The following GTPBP10 variants were observed in gnomAD, a reference collection of about 807,000 sequenced individuals.
The protein encoded by GTPBP10 is GTP-binding protein 10.
In GTPBP10, 38 loss-of-function variants were observed where a neutral mutation model predicts 44.8. The observed-to-expected ratio is 0.85, with a 90% confidence interval of 0.65 to 1.11. The LOEUF is 1.11. GTPBP10 is among the 50% of genes most tolerant of loss of function. GTPBP10 has a pLI of 0.00. For synonymous variants in GTPBP10, 152 were observed against 150.6 expected (o/e 1.01, Z -0.07); for missense variants, 462 against 453.7 (o/e 1.02, Z -0.17).
At position 90,358,679 on chromosome 7, in the gene GTPBP10, A is replaced by T. The variant is rs144319642; in HGVS notation, c.464+3449A>T. Among the ~76,000 whole-genome samples the T allele has an allele frequency of 8.3e-3, 1,263 of 152,226 alleles. 15 individuals carry two copies. The highest frequency in any genetic ancestry group is 0.029 in the African/African-American group (1,187 of 41,532). On this transcript the variant is annotated intron_variant, in intron 4 of 9. Coordinates refer to ENST00000222511, the MANE Select transcript of GTPBP10 (RefSeq NM_033107.4). The stretch of plus-strand genomic sequence containing the variant: ...AAAAATTCTACAACACTTAGGAAAA[A>T]CCCTTCTGGACATTGGCCTAGACAA...
intron 6 of GTPBP10, 102 bp downstream of exon 6, chr7:90,374,456 G>A: frequency 1.4e-6 from 1 of 712,554 alleles, no homozygotes; most frequent in South Asian, 1.6e-5. Context: ...TGGTGTTAGG[G>A]GAGAAAAAGT....
At chr7:90,361,905 A>C (rs1311401062) in intron 4 of GTPBP10, among the ~76,000 whole-genome samples, 1 of 152,138 alleles carries the variant, frequency 6.6e-6, no homozygotes, top group Non-Finnish European at 1.5e-5. Flanking sequence ...TAGATTTTCT[A>C]GTTTATTTGC....
At position 90,385,261 on chromosome 7, in the gene GTPBP10, T is replaced by C; in HGVS notation, c.*107T>C. 1.3e-6 allele frequency: 1 copy of C among 747,892 alleles called. No homozygotes were observed. Among genetic ancestry groups the C allele is most frequent in the East Asian group, 2.8e-5 (1 of 36,148 alleles). 46.3% of individuals were successfully genotyped at this position (747,892 alleles called of 1,614,324 possible). On this transcript the variant is annotated 3_prime_UTR_variant, in exon 10 of 10. Transcript: ENST00000222511. ...CATGTTAAGTAAAATAAGCCAGGCT[T>C]AGAAAGACAAATGCTGCATAATCTC...
chr7:90,355,025 A>G lies in GTPBP10; in HGVS notation c.320-61A>G, dbSNP rs1795867386. 6.8e-6 allele frequency: 7 copies of G among 1,030,806 alleles called. No homozygotes were observed. The East Asian group carries it at 1.9e-4, about 28-fold the overall frequency. 63.9% of individuals were successfully genotyped at this position (1,030,806 alleles called of 1,614,324 possible). Reference sequence around the variant, plus strand: ...TTGCCTGTATTTCTGAAAGAAATATATTGCATTAGTGATTTCACTTATTAA... The same window carrying G: ...TTGCCTGTATTTCTGAAAGAAATATGTTGCATTAGTGATTTCACTTATTAA... On this transcript the variant is annotated intron_variant, in intron 3 of 9. Coordinates refer to ENST00000222511, the MANE Select transcript of GTPBP10 (RefSeq NM_033107.4).
intron 7 of GTPBP10, 28 bp from the exon 8 acceptor site, chr7:90,378,106 G>T (rs375418934): frequency 1.3e-6 from 2 of 1,589,934 alleles, no homozygotes; most frequent in Non-Finnish European, 1.7e-6. Flanking sequence ...TATGTTAAAG[G>T]CTGTCTCTTT....
At chr7:90,351,157 A>G (rs1405832840) in intron 1 of GTPBP10, among the ~76,000 whole-genome samples, 1 of 152,248 alleles carries the variant, frequency 6.6e-6, no homozygotes, top group East Asian at 1.9e-4. Flanking sequence ...ACGATGTACT[A>G]CAGTTAATTT....
intron 4 of GTPBP10, among the ~76,000 whole-genome samples, chr7:90,360,200 A>G (rs1009035096): frequency 2.0e-5 from 3 of 152,158 alleles, no homozygotes; most frequent in Non-Finnish European, 1.5e-5. Context: ...TGTTTTAGAC[A>G]TGAAGTCCTT....
intron 4 of GTPBP10, among the ~76,000 whole-genome samples, chr7:90,371,728 T>C (rs1796261529): frequency 6.6e-6 from 1 of 152,220 alleles, no homozygotes; most frequent in South Asian, 2.1e-4. Flanking sequence ...AGGTGATAGC[T>C]AAATGGAATT....
chr7:90,376,488 A>G (rs1372418316), intron 6 of GTPBP10, among the ~76,000 whole-genome samples: 2 of 152,174 alleles, frequency 1.3e-5, no homozygotes, highest in Admixed American at 1.3e-4. Context: ...GGTGACAAGG[A>G]AGCATGCTCA....
intron 1 of GTPBP10, among the ~76,000 whole-genome samples, chr7:90,351,493 T>C (rs1388876266): frequency 2.0e-5 from 3 of 152,220 alleles, no homozygotes; most frequent in Non-Finnish European, 4.4e-5. Context: ...ATATATTTTT[T>C]GCACTCATAA....
Position 90,346,743 on chromosome 7 carries a change from TG to T in GTPBP10, c.4del (p.Val2?). 6.2e-7 allele frequency: 1 copy of T among 1,614,226 alleles called. No homozygotes were observed. The highest frequency in any genetic ancestry group is 8.5e-7 in the Non-Finnish European group (1 of 1,180,030). On this transcript the variant is annotated frameshift_variant and start_lost, in exon 1 of 10. Coordinates refer to ENST00000222511, the MANE Select transcript of GTPBP10 (RefSeq NM_033107.4). LOFTEE classifies it high-confidence loss of function. ...AAGGTTTCCTGGCCTGTTGCAGCCA[TG>T]GTGCATTGCAGTTGCGTGTTGTTCA... Reference protein sequence around the residue: MVHCSCVLFRK... With the variant: XVHCSCVLFRK...
chr7:90,349,490 T>C (rs1795746694), intron 1 of GTPBP10, among the ~76,000 whole-genome samples: 1 of 152,202 alleles, frequency 6.6e-6, no homozygotes, highest in South Asian at 2.1e-4. Context: ...AGGTACTTCC[T>C]GACTTCAGGG....
At chr7:90,378,387 T>A (rs544775906) in intron 8 of GTPBP10, 176 bp downstream of exon 8, 4 of 450,514 alleles carry the variant, frequency 8.9e-6, no homozygotes, top group Admixed American at 6.4e-5. Flanking sequence ...CTCCTCAAAC[T>A]ACTGCAGTGG....
intron 1 of GTPBP10, among the ~76,000 whole-genome samples, chr7:90,351,485 A>G (rs1795790163): frequency 6.6e-6 from 1 of 152,234 alleles, no homozygotes; most frequent in African/African-American, 2.4e-5. Context: ...TAGCATCTAT[A>G]TATTTTTTGC....
At chr7:90,348,486 AAGTC>A (rs1354590511) in intron 1 of GTPBP10, among the ~76,000 whole-genome samples, 6 of 152,212 alleles carry the variant, frequency 3.9e-5, no homozygotes, top group East Asian at 1.9e-4. Flanking sequence ...GTTACTAAGA[AAGTC>A]AGAAAGAAGG....
Position 90,385,234 on chromosome 7 carries a change from G to T in GTPBP10, c.*80G>T. 1.0e-6 allele frequency: 1 copy of T among 997,746 alleles called. No individual in the cohort carries two copies. Among genetic ancestry groups the T allele is most frequent in the Non-Finnish European group, 1.4e-6 (1 of 695,228 alleles). The allele number at this position is 997,746 out of a possible 1,614,324, so 61.8% of individuals were successfully genotyped here. ...TCCTTTCATCTGTGACAACCTGGAGGACATGTTAAGTAAAATAAGCCAGGC... is the reference window on the plus strand; with the variant it reads ...TCCTTTCATCTGTGACAACCTGGAGTACATGTTAAGTAAAATAAGCCAGGC... On this transcript the variant is annotated 3_prime_UTR_variant, in exon 10 of 10. Coordinates refer to ENST00000222511, the MANE Select transcript of GTPBP10 (RefSeq NM_033107.4).
At chr7:90,362,025 C>G (rs201638849) in intron 4 of GTPBP10, among the ~76,000 whole-genome samples, 2 of 151,842 alleles carry the variant, frequency 1.3e-5, no homozygotes, top group African/African-American at 2.4e-5. Context: ...CTCTCTTTTC[C>G]TCTTTATTAG....
Position 90,385,119 on chromosome 7 carries a change from C to A in GTPBP10, c.1129C>A (p.His377Asn), listed in dbSNP as rs1796501352. The change falls in exon 10 of 10, where the codon CAT becomes AAT. Residue 377 changes from histidine to asparagine, a missense_variant. His to Asn is a moderately conservative substitution (Grantham distance 68, BLOSUM62 1). Transcript: ENST00000222511. ...GTCTTCTACTGAGCCACCATCAAAG[C>A]ATGCTGTTACTACTTCCAAAATGGA... Reference protein sequence around the residue: ...TMSSTEPPSKHAVTTSKMDII With the variant: ...TMSSTEPPSKNAVTTSKMDII 2 of 1,609,762 alleles carry A rather than the reference C, an allele frequency of 1.2e-6. No homozygotes were observed. The highest frequency in any genetic ancestry group is 1.3e-5 in the African/African-American group (1 of 74,908).
At chr7:90,372,482 C>CTTTTTTTTTTTTTTTTT (rs757973599) in intron 5 of GTPBP10, among the ~76,000 whole-genome samples, 1,307 of 111,808 alleles carry the variant, frequency 0.012, 88 homozygotes, top group African/African-American at 0.017. Context: ...GCTTGGCTAA[C>CTTTTTTTTTTTTTTTTT]TTTTTTTTTT....
Sources: gnomAD v4.1 joint callset for allele counts (sites outside exome capture counted in the v4.1 genomes callset) on GRCh38, gnomAD v4.1.1 for gene constraint, MANE v1.5 for transcripts, NCBI Gene and HGNC (gene_info 2026-07-23, HGNC 2026-07-21) for gene names.